SLC39A11: variants seen among roughly 807,000 people sequenced by gnomAD.
SLC39A11 encodes zinc transporter ZIP11.
In SLC39A11, 33 loss-of-function variants were observed where a neutral mutation model predicts 36.1. The observed-to-expected ratio is 0.91, with a 90% CI of 0.69 to 1.22. The LOEUF is 1.22. Among genes scored for constraint, SLC39A11 ranks in the 50% most tolerant of loss-of-function variants. SLC39A11 has a pLI of 0.00. For synonymous variants in SLC39A11, 166 were observed against 170.3 expected (o/e 0.97, Z 0.20); for missense variants, 432 against 430.3 (o/e 1.00, Z -0.03).
intron 7 of SLC39A11, among the ~76,000 whole-genome samples, chr17:72,659,312 C>A (rs1255836895): frequency 6.6e-6 from 1 of 152,162 alleles, no homozygotes; most frequent in Non-Finnish European, 1.5e-5. Flanking sequence ...TTGGCGGAGA[C>A]AGATGATCCA....
At chr17:72,720,015 C>T (rs538750031) in intron 7 of SLC39A11, among the ~76,000 whole-genome samples, 60 of 152,332 alleles carry the variant, frequency 3.9e-4, no homozygotes, top group Admixed American at 8.5e-4. Context: ...AGGGAAGCAG[C>T]TCGTGTGCTT....
intron 6 of SLC39A11, among the ~76,000 whole-genome samples, chr17:72,837,235 C>G (rs1263184761): frequency 6.6e-6 from 1 of 152,076 alleles, no homozygotes; most frequent in Non-Finnish European, 1.5e-5. Context: ...AAATCAAAAT[C>G]CACAGCAACT....
At position 72,659,646 on chromosome 17, in the gene SLC39A11, G is replaced by A. The variant is rs188609955; in HGVS notation, c.672-10378C>T. ...TGCCCAGGCTGAAGTGCAGTGGCGC[G>A]ATCTTGGGTCACTGCAACCTCTGCC... On this transcript the variant is annotated intron_variant, in intron 7 of 9. Transcript: ENST00000255559. Among the ~76,000 whole-genome samples, 344 of 142,670 alleles carry A rather than the reference G, an allele frequency of 2.4e-3. 2 individuals are homozygous for A. The highest frequency in any genetic ancestry group is 0.011 in the Middle Eastern group (3 of 276). The allele number at this position is 142,670 out of a possible 152,430, so 93.6% of individuals were successfully genotyped here. A position where few individuals can be genotyped will look rare whatever the true frequency, so the allele number is the denominator to read the frequency against.
At chr17:72,894,681 A>G (rs1277115047) in intron 5 of SLC39A11, among the ~76,000 whole-genome samples, 1 of 151,508 alleles carries the variant, frequency 6.6e-6, no homozygotes, top group Non-Finnish European at 1.5e-5. Context: ...AAAAAAAAAA[A>G]AAAAAATTCT....
At position 72,965,289 on chromosome 17, in the gene SLC39A11, GA is replaced by G. The variant is rs1047412072; in HGVS notation, c.307-17415del. Among the ~76,000 whole-genome samples, 7 of 150,710 alleles carry G rather than the reference GA, an allele frequency of 4.6e-5. No individual in the cohort carries two copies. In the South Asian group the frequency reaches 6.3e-4, roughly 14 times the overall value. On this transcript the variant is annotated intron_variant, in intron 4 of 9. Coordinates refer to ENST00000255559, the MANE Select transcript of SLC39A11 (RefSeq NM_139177.4). Reference sequence around the variant, plus strand: ...CTGGAATAAAACATCTCTAAAGGTTGAAAAAAAAAGCTGGAGGAAATATGGG... The same window carrying G: ...CTGGAATAAAACATCTCTAAAGGTTGAAAAAAAAGCTGGAGGAAATATGGG...
At chr17:72,884,938 G>C (rs536030568) in intron 5 of SLC39A11, among the ~76,000 whole-genome samples, 1 of 151,784 alleles carries the variant, frequency 6.6e-6, no homozygotes, top group East Asian at 2.1e-4. Context: ...AATATTAAAT[G>C]AGTCTTTCTT....
intron 6 of SLC39A11, among the ~76,000 whole-genome samples, chr17:72,761,078 A>C (rs1188105240): frequency 6.6e-6 from 1 of 152,072 alleles, no homozygotes. Flanking sequence ...TAGCAAAATA[A>C]AGCATGTTCA....
At chr17:72,765,683 T>C (rs1008069017) in intron 6 of SLC39A11, among the ~76,000 whole-genome samples, 1 of 152,150 alleles carries the variant, frequency 6.6e-6, no homozygotes, top group African/African-American at 2.4e-5. Flanking sequence ...ACTAGCTATA[T>C]TCCCTCGCAG....
chr17:73,020,540 A>T (rs2058306105), intron 4 of SLC39A11, among the ~76,000 whole-genome samples: 1 of 152,164 alleles, frequency 6.6e-6, no homozygotes, highest in South Asian at 2.1e-4. Context: ...TGACTTTTAC[A>T]TGGAGCAGTA....
intron 5 of SLC39A11, among the ~76,000 whole-genome samples, chr17:72,895,759 T>C (rs1260378720): frequency 6.6e-6 from 1 of 152,224 alleles, no homozygotes; most frequent in Non-Finnish European, 1.5e-5. Flanking sequence ...TTCTATTCTT[T>C]GAGTTCAAGG....
At chr17:72,755,975 T>A (rs1040291656) in intron 6 of SLC39A11, among the ~76,000 whole-genome samples, 1 of 152,190 alleles carries the variant, frequency 6.6e-6, no homozygotes, top group African/African-American at 2.4e-5. Context: ...AATCCCAATA[T>A]GGGTAACGTT....
At chr17:73,041,844 T>C (rs1182576916) in intron 3 of SLC39A11, among the ~76,000 whole-genome samples, 1 of 152,244 alleles carries the variant, frequency 6.6e-6, no homozygotes, top group Non-Finnish European at 1.5e-5. Context: ...CTCTTCTTCA[T>C]AGTCCCTGAG....
chr17:72,993,424 T>C (rs977742762), intron 4 of SLC39A11, among the ~76,000 whole-genome samples: 1 of 152,234 alleles, frequency 6.6e-6, no homozygotes, highest in African/African-American at 2.4e-5. Flanking sequence ...GTATTTGTTT[T>C]AAGTGTCCAC....
chr17:72,792,994 G>A (rs949938747), intron 6 of SLC39A11, among the ~76,000 whole-genome samples: 2 of 152,080 alleles, frequency 1.3e-5, no homozygotes, highest in African/African-American at 2.4e-5. Context: ...GGGTGGGGGC[G>A]AGGGACAAAA....
At chr17:73,037,162 C>T (rs57739445) in intron 3 of SLC39A11, among the ~76,000 whole-genome samples, 1 of 152,082 alleles carries the variant, frequency 6.6e-6, no homozygotes, top group East Asian at 1.9e-4. Flanking sequence ...TGAGTTTTGT[C>T]GATTATGAAT....
intron 7 of SLC39A11, among the ~76,000 whole-genome samples, chr17:72,708,892 C>G (rs904178057): frequency 6.6e-6 from 1 of 152,294 alleles, no homozygotes. Flanking sequence ...ATGAACTTTG[C>G]CTTTGGCTCT....
intron 6 of SLC39A11, among the ~76,000 whole-genome samples, chr17:72,802,303 T>G (rs994469977): frequency 1.3e-5 from 2 of 151,970 alleles, no homozygotes; most frequent in African/African-American, 4.8e-5. Flanking sequence ...GAAAATCATA[T>G]GGGTGGCCAG....
intron 6 of SLC39A11, among the ~76,000 whole-genome samples, chr17:72,751,060 A>G (rs2075136089): frequency 6.6e-6 from 1 of 152,208 alleles, no homozygotes; most frequent in African/African-American, 2.4e-5. Context: ...CAGCCTGGCC[A>G]ACATGGCAAA....
intron 6 of SLC39A11, among the ~76,000 whole-genome samples, chr17:72,784,379 G>A (rs1038288066): frequency 5.3e-5 from 8 of 151,992 alleles, no homozygotes; most frequent in Admixed American, 3.3e-4. Flanking sequence ...TGGGGGGTGC[G>A]TGGGGCTGGA....
Sources: allele counts gnomAD v4.1 joint callset (sites outside exome capture counted in the v4.1 genomes callset), GRCh38; gene constraint gnomAD v4.1.1; transcripts MANE v1.5; gene names NCBI Gene and HGNC (gene_info 2026-07-23, HGNC 2026-07-21).